BRAF: variants seen among roughly 807,000 people sequenced by gnomAD.
BRAF encodes B-Raf proto-oncogene, serine/threonine kinase, also known as serine/threonine-protein kinase B-raf.
BRAF carries 16 observed loss-of-function variants against 104.6 expected under a neutral mutation model. The observed-to-expected ratio is 0.15, with a 90% CI of 0.10 to 0.23. The LOEUF is 0.23. BRAF is among the 10% of genes least tolerant of loss of function. The probability of loss-of-function intolerance (pLI) is 1.00; values close to 1 mark genes in which losing one functional copy is unlikely to be tolerated. For synonymous variants in BRAF, 310 were observed against 341.6 expected (o/e 0.91, Z 1.02); for missense variants, 541 against 937.3 (o/e 0.58, Z 5.52).
chr7:140,822,786 C>T (rs976841073), intron 3 of BRAF, among the ~76,000 whole-genome samples: 2 of 152,134 alleles, frequency 1.3e-5, no homozygotes, highest in South Asian at 2.1e-4. Context: ...TGGGTAAATA[C>T]CGAGGAGTAG....
intron 2 of BRAF, among the ~76,000 whole-genome samples, chr7:140,847,311 G>A (rs945566174): frequency 2.0e-5 from 3 of 152,052 alleles, no homozygotes; most frequent in Non-Finnish European, 2.9e-5. Context: ...GGCCAGGCAC[G>A]GTGGCTCACG....
rs1795295964 is a variant in BRAF at position 140,721,001 on chromosome 7, C to T, written c.*5493G>A. Reference sequence around the variant, plus strand: ...GGCCGGGAGAAGCAGATGGTTTGTACAAACATTTTTTGATACTACCATGAA... The same window carrying T: ...GGCCGGGAGAAGCAGATGGTTTGTATAAACATTTTTTGATACTACCATGAA... On this transcript the variant is annotated 3_prime_UTR_variant, in exon 20 of 20. Coordinates refer to ENST00000644969, the MANE Select transcript of BRAF (RefSeq NM_001374258.1). 6 of 1,063,912 alleles carry T rather than the reference C, an allele frequency of 5.6e-6. No homozygotes were observed. Among genetic ancestry groups the T allele is most frequent in the Non-Finnish European group, 6.8e-6 (6 of 878,500 alleles). The allele number at this position is 1,063,912 out of a possible 1,614,324, so 65.9% of individuals were successfully genotyped here.
At chr7:140,847,788 G>A (rs913932988) in intron 2 of BRAF, among the ~76,000 whole-genome samples, 2 of 152,086 alleles carry the variant, frequency 1.3e-5, no homozygotes, top group African/African-American at 4.8e-5. Flanking sequence ...TGGATATCTT[G>A]AGTACAGAAA....
chr7:140,721,419 AGAATT>A lies in BRAF; in HGVS notation c.*5070_*5074del. 1 of 1,252,110 alleles carries A rather than the reference AGAATT, an allele frequency of 8.0e-7. No individual in the cohort carries two copies. 77.6% of individuals were successfully genotyped at this position (1,252,110 alleles called of 1,614,324 possible). On this transcript the variant is annotated 3_prime_UTR_variant, in exon 20 of 20. Coordinates refer to ENST00000644969, the MANE Select transcript of BRAF (RefSeq NM_001374258.1). ...ACCCTTTCCACAATTAACAAAAATT[AGAATT>A]GAATTTCAATTTAAATGTCTTTGCC... is the stretch of plus-strand genomic sequence containing the variant.
intron 3 of BRAF, among the ~76,000 whole-genome samples, chr7:140,827,740 A>C (rs1418227920): frequency 2.0e-5 from 3 of 152,130 alleles, no homozygotes; most frequent in African/African-American, 4.8e-5. Context: ...AGGTCAGCAA[A>C]CTTCTTCCAT....
intron 15 of BRAF, 90 bp from the exon 15 acceptor site, chr7:140,753,483 T>C (rs2128998759): frequency 1.2e-6 from 1 of 822,470 alleles, no homozygotes; most frequent in Non-Finnish European, 2.1e-6. Context: ...ATCTAATTTC[T>C]ATAATTCTGT....
chr7:140,822,482 C>T (rs904692267), intron 3 of BRAF: 1 of 152,202 alleles, frequency 6.6e-6, no homozygotes, highest in African/African-American at 2.4e-5. Flanking sequence ...AATCTGTTGT[C>T]ACTATAGAAG....
chr7:140,790,869 G>A (rs1458587655), intron 8 of BRAF, among the ~76,000 whole-genome samples: 1 of 152,232 alleles, frequency 6.6e-6, no homozygotes, highest in Non-Finnish European at 1.5e-5. Context: ...CACTCTGGGA[G>A]GCGGAGGTGG....
chr7:140,828,094 C>G (rs563852139), intron 3 of BRAF, among the ~76,000 whole-genome samples: 1 of 152,172 alleles, frequency 6.6e-6, no homozygotes, highest in African/African-American at 2.4e-5. Flanking sequence ...GTGGGTTTCA[C>G]CATGTTGGCC....
chr7:140,735,880 A>AT (rs963029570), intron 18 of BRAF, among the ~76,000 whole-genome samples: 4 of 151,980 alleles, frequency 2.6e-5, no homozygotes, highest in South Asian at 2.1e-4. Flanking sequence ...TAAAAGTTAA[A>AT]TTTTTTTTAA....
At chr7:140,922,075 G>A (rs1443769032) in intron 1 of BRAF, among the ~76,000 whole-genome samples, 1 of 151,966 alleles carries the variant, frequency 6.6e-6, no homozygotes, top group Non-Finnish European at 1.5e-5. Context: ...TTTAATCAAT[G>A]TCACCCTCCC....
chr7:140,726,199 C>T lies in BRAF; in HGVS notation c.*295G>A. The T allele has an allele frequency of 8.1e-7, 1 of 1,234,680 alleles. No individual in the cohort carries two copies. The highest frequency in any genetic ancestry group is 1.5e-5 in the African/African-American group (1 of 64,576). The allele number at this position is 1,234,680 out of a possible 1,614,324, so 76.5% of individuals were successfully genotyped here. A position where few individuals can be genotyped will look rare whatever the true frequency, so the allele number is the denominator to read the frequency against. On this transcript the variant is annotated 3_prime_UTR_variant, in exon 20 of 20. Coordinates refer to ENST00000644969, the MANE Select transcript of BRAF (RefSeq NM_001374258.1). ...TAGCAGCAGTTTCTTTCCATCATGC[C>T]TGACCATCAAAAGGTCAGAATTCAG...
intron 1 of BRAF, among the ~76,000 whole-genome samples, chr7:140,862,288 T>C (rs1349529081): frequency 6.6e-6 from 1 of 152,028 alleles, no homozygotes; most frequent in Admixed American, 6.6e-5. Context: ...ATAGTAGTGA[T>C]ATGTAACACA....
At chr7:140,907,496 C>T (rs10232111) in intron 1 of BRAF, among the ~76,000 whole-genome samples, 1,820 of 152,260 alleles carry the variant, frequency 0.012, 35 homozygotes, top group African/African-American at 0.041. Context: ...CTCCTGACCT[C>T]GTGATCTGTC....
downstream of BRAF, among the ~76,000 whole-genome samples, chr7:140,715,155 G>A (rs1795107767): frequency 6.6e-6 from 1 of 152,288 alleles, no homozygotes; most frequent in African/African-American, 2.4e-5. Context: ...CTAGTAACTG[G>A]GTTTCCAGTC....
chr7:140,889,279 T>C (rs1370691183), intron 1 of BRAF, among the ~76,000 whole-genome samples: 1 of 152,222 alleles, frequency 6.6e-6, no homozygotes, highest in Non-Finnish European at 1.5e-5. Context: ...GTACACACTA[T>C]TATAATAACG....
chr7:140,752,057 T>C (rs1480329321), intron 16 of BRAF, among the ~76,000 whole-genome samples: 2 of 152,200 alleles, frequency 1.3e-5, no homozygotes, highest in Non-Finnish European at 2.9e-5. Flanking sequence ...ATGTTTACCA[T>C]TAAAATTTAA....
At chr7:140,917,659 C>T (rs1299883874) in intron 1 of BRAF, among the ~76,000 whole-genome samples, 1 of 152,194 alleles carries the variant, frequency 6.6e-6, no homozygotes, top group Non-Finnish European at 1.5e-5. Flanking sequence ...CTATAGACCT[C>T]TAACCTACAT....
chr7:140,920,526 CAG>C (rs1190253559), intron 1 of BRAF, among the ~76,000 whole-genome samples: 1 of 152,178 alleles, frequency 6.6e-6, no homozygotes, highest in African/African-American at 2.4e-5. Flanking sequence ...CAAGAAAAGT[CAG>C]ACTGTTCTAG....
Sources: allele counts gnomAD v4.1 joint callset (sites outside exome capture counted in the v4.1 genomes callset), GRCh38; gene constraint gnomAD v4.1.1; transcripts MANE v1.5; gene names NCBI Gene and HGNC (gene_info 2026-07-23, HGNC 2026-07-21).